The following FHL5 variants were observed in gnomAD, a reference collection of about 807,000 sequenced individuals.
The protein encoded by FHL5 is four and a half LIM domains protein 5.
Under a neutral mutation model 32.0 loss-of-function variants are expected in FHL5, and 33 were observed. That is an observed-to-expected ratio of 1.03 (90% confidence interval 0.78 to 1.38). The LOEUF is 1.38. FHL5 is among the 40% of genes most tolerant of loss of function. The pLI, the probability that FHL5 is intolerant of heterozygous loss-of-function variation, is 0.00. For synonymous variants in FHL5, 114 were observed against 113.6 expected, an observed-to-expected ratio of 1.00 and a Z score of -0.02; for missense variants, 336 against 343.9, an observed-to-expected ratio of 0.98 and a Z score of 0.18.
chr6:96,580,899 G>T (rs1175618863), intron 1 of FHL5, among the ~76,000 whole-genome samples: 2 of 151,942 alleles, frequency 1.3e-5, no homozygotes, highest in African/African-American at 4.8e-5. Context: ...TTTTGTATTG[G>T]CCACCTTCCA....
rs144595596 is a variant in FHL5 at position 96,565,507 on chromosome 6, T to A, written c.-13+2152T>A. Among the ~76,000 whole-genome samples the A allele has an allele frequency of 2.1e-3, 317 of 152,318 alleles. 2 individuals are homozygous for A. The highest frequency in any genetic ancestry group is 2.1e-3 in the Non-Finnish European group (143 of 68,026). Reference sequence around the variant, plus strand: ...TCTTCGGTTATACTTCCAGCACCAATGGACCTTAAATTTATCTCACTTGAT... The same window carrying A: ...TCTTCGGTTATACTTCCAGCACCAAAGGACCTTAAATTTATCTCACTTGAT... On this transcript the variant is annotated intron_variant, in intron 1 of 5. Transcript: ENST00000450218.
chr6:96,562,668 G>A (rs926617919), upstream of FHL5: 2 of 152,140 alleles, frequency 1.3e-5, no homozygotes, highest in African/African-American at 4.8e-5. Context: ...AGAAGGGAGA[G>A]ATAGAGGCCA....
rs188704847 is a variant in FHL5, at chr6:96,592,369, C to T, written c.-12-11233C>T. On this transcript the variant is annotated intron_variant, in intron 1 of 5. Transcript: ENST00000450218. ...AAAGAAGAGAAATACGGCTCTGTTC[C>T]GCCCAGCTCACTGGCGGTCAGAGTT... Among the ~76,000 whole-genome samples the T allele has an allele frequency of 1.4e-4, 22 of 152,272 alleles. No homozygotes were observed. In the East Asian group the frequency reaches 1.9e-3, roughly 13 times the overall value.
At chr6:96,612,252 G>C (rs1771426379) in intron 5 of FHL5, among the ~76,000 whole-genome samples, 1 of 152,126 alleles carries the variant, frequency 6.6e-6, no homozygotes, top group South Asian at 2.1e-4. Flanking sequence ...ATTTTAGTTA[G>C]AAAATGGGAC....
At chr6:96,588,077 TA>T (rs1770835657) in intron 1 of FHL5, among the ~76,000 whole-genome samples, 1 of 152,232 alleles carries the variant, frequency 6.6e-6, no homozygotes, top group East Asian at 1.9e-4. Context: ...TTTACACACT[TA>T]GGGGTGAAAT....
At chr6:96,586,173 C>G (rs1490566858) in intron 1 of FHL5, among the ~76,000 whole-genome samples, 1 of 152,200 alleles carries the variant, frequency 6.6e-6, no homozygotes, top group Non-Finnish European at 1.5e-5. Context: ...TATGAGCACA[C>G]AAAGCCCTTT....
chr6:96,613,356 T>C (rs1771452996), intron 5 of FHL5, among the ~76,000 whole-genome samples: 2 of 152,212 alleles, frequency 1.3e-5, no homozygotes, highest in African/African-American at 4.8e-5. Context: ...CAGATATAGC[T>C]ACCATATTTT....
At chr6:96,605,801 C>T (rs1000475351) in intron 3 of FHL5, 101 bp from the exon 4 acceptor site, 17 of 934,804 alleles carry the variant, frequency 1.8e-5, no homozygotes, top group Non-Finnish European at 2.5e-5. Flanking sequence ...ATTCATTTAT[C>T]ATCTTAACTT....
chr6:96,605,244 A>G (rs1771249033), intron 3 of FHL5, among the ~76,000 whole-genome samples: 1 of 152,212 alleles, frequency 6.6e-6, no homozygotes, highest in Admixed American at 6.5e-5. Context: ...GGCACAATCA[A>G]TGGCATCAGA....
intron 1 of FHL5, among the ~76,000 whole-genome samples, chr6:96,581,378 GA>G (rs1770693570): frequency 6.6e-6 from 1 of 152,106 alleles, no homozygotes; most frequent in African/African-American, 2.4e-5. Flanking sequence ...AATGGAAAAT[GA>G]AAGACACAAA....
chr6:96,610,850 T>C (rs1771392044), intron 5 of FHL5, 92 bp downstream of exon 5: 1 of 925,826 alleles, frequency 1.1e-6, no homozygotes, highest in South Asian at 1.8e-5. Context: ...AATTAAAAAA[T>C]GGGAAGCTTT....
chr6:96,568,961 T>C (rs1770419098), intron 1 of FHL5, among the ~76,000 whole-genome samples: 1 of 151,854 alleles, frequency 6.6e-6, no homozygotes, highest in Non-Finnish European at 1.5e-5. Context: ...TATTTATGTA[T>C]GCTTTTCTTT....
At chr6:96,578,850 A>T (rs747615426) in intron 1 of FHL5, among the ~76,000 whole-genome samples, 72 of 152,296 alleles carry the variant, frequency 4.7e-4, no homozygotes, top group Non-Finnish European at 7.4e-4. Context: ...TCAAAAAAAA[A>T]TAAATAAATA....
intron 5 of FHL5, among the ~76,000 whole-genome samples, chr6:96,614,557 T>C (rs1465699598): frequency 6.6e-6 from 1 of 152,186 alleles, no homozygotes; most frequent in Non-Finnish European, 1.5e-5. Flanking sequence ...TATTCACCCT[T>C]TCACTTCACC....
chr6:96,570,835 C>A (rs932179455), intron 1 of FHL5, among the ~76,000 whole-genome samples: 2 of 151,720 alleles, frequency 1.3e-5, no homozygotes, highest in African/African-American at 4.8e-5. Context: ...CTGCAGGATT[C>A]TTGTTTTGTT....
At chr6:96,587,290 C>A (rs1770819266) in intron 1 of FHL5, among the ~76,000 whole-genome samples, 1 of 152,268 alleles carries the variant, frequency 6.6e-6, no homozygotes, top group East Asian at 1.9e-4. Context: ...ATTAGGCAAC[C>A]ATTTTATGGT....
rs1770281913 is a variant in FHL5 at position 96,563,139 on chromosome 6, T to C, written c.-229T>C. ...TGCTTTTTCAGCCCAGTAGGAGTCA[T>C]GTACACGGTATAAGACTTGGAGGAA... On this transcript the variant is annotated 5_prime_UTR_variant, in exon 1 of 6. An upstream start codon of the reference 5' UTR is lost. Coordinates refer to ENST00000450218, the MANE Select transcript of FHL5 (RefSeq NM_001322466.2). 1 of 152,174 alleles carries C rather than the reference T, an allele frequency of 6.6e-6. No homozygotes were observed. The highest frequency in any genetic ancestry group is 1.5e-5 in the Non-Finnish European group (1 of 68,026). 9.4% of individuals were successfully genotyped at this position (152,174 alleles called of 1,614,324 possible).
chr6:96,563,978 T>G (rs765169291), intron 1 of FHL5, among the ~76,000 whole-genome samples: 91 of 152,302 alleles, frequency 6.0e-4, no homozygotes, highest in Middle Eastern at 3.4e-3. Flanking sequence ...AAAGTGCTAC[T>G]TCTTGAAACA....
At chr6:96,606,897 G>A (rs1285366115) in intron 4 of FHL5, among the ~76,000 whole-genome samples, 1 of 151,984 alleles carries the variant, frequency 6.6e-6, no homozygotes, top group Non-Finnish European at 1.5e-5. Flanking sequence ...TATGAGTAGG[G>A]CAATCGGCTC....
Sources: gnomAD v4.1 joint callset for allele counts (sites outside exome capture counted in the v4.1 genomes callset) on GRCh38, gnomAD v4.1.1 for gene constraint, MANE v1.5 for transcripts, NCBI Gene and HGNC (gene_info 2026-07-23, HGNC 2026-07-21) for gene names.